TSPAN14: variants seen among roughly 807,000 people sequenced by gnomAD.
The protein encoded by TSPAN14 is tetraspanin 14.
Under a neutral mutation model 36.6 loss-of-function variants are expected in TSPAN14, and 16 were observed. That is an observed-to-expected ratio of 0.44 (90% CI 0.30 to 0.66). The LOEUF (loss-of-function observed/expected upper bound fraction) is 0.66. Among genes scored for constraint, TSPAN14 ranks in the 30% least tolerant of loss-of-function variants. TSPAN14 has a pLI of 0.12. For missense variants in TSPAN14, 231 were observed against 355.1 expected (o/e 0.65, Z 2.81); for synonymous variants, 139 against 143.8 (o/e 0.97, Z 0.24).
exon 2 of TSPAN14, chr10:80,489,306 A>G (rs956993933): frequency 1.9e-6 from 3 of 1,568,814 alleles, no homozygotes; most frequent in African/African-American, 1.3e-5. Flanking sequence ...CTACAACATC[A>G]TCTTCTGGGT....
chr10:80,511,784 T>G (rs1840666194), intron 5 of TSPAN14, among the ~76,000 whole-genome samples: 1 of 134,538 alleles, frequency 7.4e-6, no homozygotes, highest in Non-Finnish European at 1.6e-5. Context: ...CCTTTTTTCT[T>G]TCTCTCCTTT....
At chr10:80,512,089 G>A in intron 5 of TSPAN14, 55 bp from the exon 6 acceptor site, 3 of 1,611,862 alleles carry the variant, frequency 1.9e-6, no homozygotes, top group Non-Finnish European at 1.7e-6. Flanking sequence ...CCCTATGCTG[G>A]GCAGCCATGG....
At chr10:80,520,657 C>T in exon 9 of TSPAN14, 1 of 533,452 alleles carries the variant, frequency 1.9e-6, no homozygotes, top group Non-Finnish European at 3.8e-6. Flanking sequence ...GCTGGCCTTC[C>T]TTTCCCATCC....
chr10:80,479,389 A>T (rs1367728623), intron 1 of TSPAN14, among the ~76,000 whole-genome samples: 1 of 151,824 alleles, frequency 6.6e-6, no homozygotes, highest in Admixed American at 6.6e-5. Flanking sequence ...CTGAATGGTA[A>T]TGCCTAGGTT....
chr10:80,484,321 T>C (rs1429386375), intron 1 of TSPAN14, among the ~76,000 whole-genome samples: 1 of 152,150 alleles, frequency 6.6e-6, no homozygotes, highest in African/African-American at 2.4e-5. Flanking sequence ...TTTTCCTTTT[T>C]TTTAAATTTT....
At chr10:80,503,807 C>CGTGGTCCT (rs1369817458) in intron 2 of TSPAN14, among the ~76,000 whole-genome samples, 1 of 152,052 alleles carries the variant, frequency 6.6e-6, no homozygotes, top group African/African-American at 2.4e-5. Context: ...CATAGAGAAG[C>CGTGGTCCT]GTGGTCCTGT....
chr10:80,472,715 CTGTT>C (rs1846625632), intron 1 of TSPAN14, among the ~76,000 whole-genome samples: 1 of 152,044 alleles, frequency 6.6e-6, no homozygotes, highest in East Asian at 1.9e-4. Flanking sequence ...TCCTTCTTTC[CTGTT>C]TATTTATCTC....
intron 2 of TSPAN14, among the ~76,000 whole-genome samples, chr10:80,493,181 A>G (rs1258566077): frequency 6.6e-6 from 1 of 152,234 alleles, no homozygotes; most frequent in Non-Finnish European, 1.5e-5. Flanking sequence ...GACTTAGGAA[A>G]TGCAAATCAA....
intron 1 of TSPAN14, among the ~76,000 whole-genome samples, chr10:80,469,598 C>T (rs1331557865): frequency 6.6e-6 from 1 of 152,164 alleles, no homozygotes; most frequent in Non-Finnish European, 1.5e-5. Flanking sequence ...TCTCCTGACT[C>T]TTGATTTCCT....
intron 1 of TSPAN14, among the ~76,000 whole-genome samples, chr10:80,484,099 G>A (rs750828152): frequency 6.6e-6 from 1 of 151,460 alleles, no homozygotes; most frequent in African/African-American, 2.4e-5. Flanking sequence ...ACAAAAATTA[G>A]CCAGGCCTGG....
rs1840925553 is a variant in TSPAN14 at position 80,516,136 on chromosome 10, T to C, written c.622-68T>C. 6 of 1,609,118 alleles carry C rather than the reference T, an allele frequency of 3.7e-6. No individual in the cohort carries two copies. The East Asian group carries it at 1.3e-4, about 36-fold the overall frequency. ...GCTTTGCCCTGCTCCTTACCAGAGC[T>C]CACTAGGGGATCAGGTGGGGACATC... On this transcript the variant is annotated intron_variant, in intron 7 of 8. Coordinates refer to ENST00000429989, the Ensembl canonical transcript of TSPAN14.
At chr10:80,520,749 T>C (rs776274477) in exon 9 of TSPAN14, 2 of 533,380 alleles carry the variant, frequency 3.7e-6, no homozygotes, top group Non-Finnish European at 7.7e-6. Context: ...CCCCTTCCTT[T>C]GCACCACCCA....
chr10:80,472,229 T>C (rs1846593773), intron 1 of TSPAN14, among the ~76,000 whole-genome samples: 2 of 152,212 alleles, frequency 1.3e-5, no homozygotes, highest in Non-Finnish European at 2.9e-5. Flanking sequence ...CCACAAACTC[T>C]ATGTTTCAGT....
chr10:80,469,468 C>T (rs1334290823), intron 1 of TSPAN14, among the ~76,000 whole-genome samples: 4 of 152,110 alleles, frequency 2.6e-5, no homozygotes, highest in Admixed American at 6.5e-5. Context: ...TGCATTCTGG[C>T]GAAGGTTGGG....
At chr10:80,487,037 C>G (rs1847644754) in intron 1 of TSPAN14, among the ~76,000 whole-genome samples, 1 of 152,180 alleles carries the variant, frequency 6.6e-6, no homozygotes, top group Non-Finnish European at 1.5e-5. Flanking sequence ...GCCTGGGCAA[C>G]ATAACATAGT....
exon 2 of TSPAN14, chr10:80,489,263 G>C (rs377209273): frequency 1.9e-6 from 3 of 1,585,904 alleles, no homozygotes; most frequent in African/African-American, 2.7e-5. Flanking sequence ...CTAACGCCAA[G>C]GTCAGCTGCT....
At chr10:80,504,872 C>T in intron 3 of TSPAN14, 94 bp downstream of exon 3, 1 of 1,363,818 alleles carries the variant, frequency 7.3e-7, no homozygotes, top group Admixed American at 1.7e-5. Context: ...TCCCTGACAA[C>T]AAGCATTTCT....
At chr10:80,469,068 CG>C (rs1313701878) in intron 1 of TSPAN14, among the ~76,000 whole-genome samples, 15 of 149,056 alleles carry the variant, frequency 1.0e-4, no homozygotes, top group Admixed American at 9.3e-4. Context: ...TCCTCGGTGC[CG>C]GGGATGTCTT....
intron 1 of TSPAN14, among the ~76,000 whole-genome samples, chr10:80,469,528 T>G (rs756847986): frequency 3.5e-4 from 54 of 152,154 alleles, no homozygotes; most frequent in Non-Finnish European, 6.9e-4. Flanking sequence ...CTGACTCTCC[T>G]GCTCAGCTAC....
Sources: allele counts gnomAD v4.1 joint callset (sites outside exome capture counted in the v4.1 genomes callset), GRCh38; gene constraint gnomAD v4.1.1; transcripts MANE v1.5; gene names NCBI Gene and HGNC (gene_info 2026-07-23, HGNC 2026-07-21).